KALRN: variants seen among roughly 807,000 people sequenced by gnomAD.
KALRN encodes kalirin.
A neutral mutation model predicts 353.7 loss-of-function variants in KALRN; 70 were observed. That is an observed-to-expected ratio of 0.20 (90% CI 0.16 to 0.24). The LOEUF (loss-of-function observed/expected upper bound fraction) is 0.24. Ranked by LOEUF, KALRN falls within the 10% of genes least tolerant of loss-of-function variation. The pLI is 1.00. For synonymous variants in KALRN, 1,391 were observed against 1,434.8 expected (o/e 0.97, Z 0.69); for missense variants, 2,791 against 3,756.7 (o/e 0.74, Z 6.72).
chr3:124,647,204 G>A (rs904014523), intron 37 of KALRN, among the ~76,000 whole-genome samples: 1 of 152,140 alleles, frequency 6.6e-6, no homozygotes, highest in African/African-American at 2.4e-5. Flanking sequence ...ACCATTCCCG[G>A]CCAAGTCTCT....
chr3:124,079,021 G>C (rs182204282), intron 1 of KALRN, among the ~76,000 whole-genome samples: 2 of 152,320 alleles, frequency 1.3e-5, no homozygotes, highest in African/African-American at 4.8e-5. Context: ...GGCCTATTCT[G>C]TTTTTGTTTG....
At chr3:124,516,838 G>A (rs114938494) in intron 33 of KALRN, among the ~76,000 whole-genome samples, 2,527 of 151,650 alleles carry the variant, frequency 0.017, 65 homozygotes, top group African/African-American at 0.057. Flanking sequence ...GAGTACATGA[G>A]ACGGAGTCTC....
chr3:124,584,845 C>A (rs950760658), intron 34 of KALRN: 2 of 1,606,320 alleles, frequency 1.2e-6, no homozygotes, highest in South Asian at 2.2e-5. Context: ...ACAGGGCTTA[C>A]ACCCGAGGTC....
chr3:124,282,249 G>A (rs1308610416), intron 5 of KALRN, among the ~76,000 whole-genome samples: 1 of 152,124 alleles, frequency 6.6e-6, no homozygotes, highest in African/African-American at 2.4e-5. Context: ...TTGGAAGAAG[G>A]ATGGATAATT....
intron 32 of KALRN, among the ~76,000 whole-genome samples, chr3:124,495,402 C>T (rs1049110918): frequency 1.3e-5 from 2 of 152,096 alleles, no homozygotes; most frequent in Non-Finnish European, 2.9e-5. Flanking sequence ...AGACAATATT[C>T]CACACAACCT....
intron 18 of KALRN, among the ~76,000 whole-genome samples, chr3:124,440,695 T>C (rs1172672555): frequency 6.6e-6 from 1 of 151,764 alleles, no homozygotes; most frequent in Non-Finnish European, 1.5e-5. Flanking sequence ...TTTCAGGGTG[T>C]GTAGAAGAAA....
At chr3:124,160,821 C>T (rs550963906) in intron 1 of KALRN, among the ~76,000 whole-genome samples, 3 of 152,276 alleles carry the variant, frequency 2.0e-5, no homozygotes, top group East Asian at 3.9e-4. Flanking sequence ...GATTCTTGGT[C>T]TTCTCCCATG....
intron 34 of KALRN, among the ~76,000 whole-genome samples, chr3:124,576,844 A>T (rs1184154291): frequency 6.6e-6 from 1 of 152,242 alleles, no homozygotes; most frequent in Non-Finnish European, 1.5e-5. Context: ...GTTTACCTTA[A>T]TTGAAACTCA....
intron 37 of KALRN, among the ~76,000 whole-genome samples, chr3:124,649,965 AAATAATAATAAT>A (rs71145473): frequency 0.01 from 1,466 of 143,492 alleles, 24 homozygotes; most frequent in Middle Eastern, 0.029. Context: ...CTCTAAAATA[AAATAATAATAAT>A]AATAATAATA....
intron 10 of KALRN, among the ~76,000 whole-genome samples, chr3:124,367,004 TG>T (rs1177406329): frequency 9.1e-6 from 1 of 109,566 alleles, no homozygotes; most frequent in Non-Finnish European, 1.9e-5. Context: ...CTGGCCGGGT[TG>T]GGGGGCTGAC....
chr3:124,491,614 A>C (rs957583758), intron 31 of KALRN, 190 bp downstream of exon 31: 2 of 444,234 alleles, frequency 4.5e-6, no homozygotes, highest in Non-Finnish European at 7.9e-6. Flanking sequence ...TCAAAGACGC[A>C]TGGTCTCCTC....
intron 5 of KALRN, among the ~76,000 whole-genome samples, chr3:124,270,338 C>A (rs905430502): frequency 1.3e-5 from 2 of 152,164 alleles, no homozygotes; most frequent in East Asian, 3.9e-4. Context: ...ATGATGAAAT[C>A]GAGATCTTCA....
intron 10 of KALRN, among the ~76,000 whole-genome samples, chr3:124,368,364 C>T (rs1467594134): frequency 4.8e-5 from 7 of 146,718 alleles, no homozygotes; most frequent in Non-Finnish European, 3.0e-5. Context: ...CGGGCAGAGA[C>T]GCTCCTCACC....
chr3:124,039,225 C>A (rs138042631), intron 1 of KALRN, among the ~76,000 whole-genome samples: 1 of 152,196 alleles, frequency 6.6e-6, no homozygotes, highest in Non-Finnish European at 1.5e-5. Flanking sequence ...TCAACCACCC[C>A]GGCACCCTCC....
At chr3:124,038,817 A>G (rs2039666684) in intron 1 of KALRN, among the ~76,000 whole-genome samples, 1 of 152,148 alleles carries the variant, frequency 6.6e-6, no homozygotes, top group Admixed American at 6.5e-5. Context: ...TCTATAAGTG[A>G]CACCTTCACT....
rs72972701 is a variant in KALRN at position 124,185,675 on chromosome 3, G to A, written c.74-42315G>A. Among the ~76,000 whole-genome samples the A allele has an allele frequency of 6.2e-3, 940 of 152,294 alleles. 6 individuals carry two copies. Among genetic ancestry groups the A allele is most frequent in the African/African-American group, 0.02 (830 of 41,562 alleles). Reference sequence around the variant, plus strand: ...ACCATGAGATGCCTTCAGCTCAGGCGAACCTGGTGCATAGATGGCACCAGT... The same window carrying A: ...ACCATGAGATGCCTTCAGCTCAGGCAAACCTGGTGCATAGATGGCACCAGT... On this transcript the variant is annotated intron_variant, in intron 1 of 59. Coordinates refer to ENST00000682506, the MANE Select transcript of KALRN (RefSeq NM_001388419.1).
intron 1 of KALRN, among the ~76,000 whole-genome samples, chr3:124,101,232 T>G (rs545789987): frequency 6.6e-6 from 1 of 152,244 alleles, no homozygotes; most frequent in South Asian, 2.1e-4. Context: ...TTGCTTTGGG[T>G]TTATTGCTCT....
At chr3:124,311,011 A>T (rs894672269) in intron 6 of KALRN, among the ~76,000 whole-genome samples, 2 of 149,604 alleles carry the variant, frequency 1.3e-5, no homozygotes, top group Non-Finnish European at 3.0e-5. Context: ...AAGATGCTTG[A>T]CATAATTAGT....
chr3:124,211,270 T>C (rs1420113893), intron 1 of KALRN, among the ~76,000 whole-genome samples: 3 of 152,222 alleles, frequency 2.0e-5, no homozygotes, highest in African/African-American at 7.2e-5. Context: ...ATGGAAAAAC[T>C]AAGGAATAGT....
Sources: allele counts gnomAD v4.1 joint callset (sites outside exome capture counted in the v4.1 genomes callset), GRCh38; gene constraint gnomAD v4.1.1; transcripts MANE v1.5; gene names NCBI Gene and HGNC (gene_info 2026-07-23, HGNC 2026-07-21).